AGMO: variants seen among roughly 807,000 people sequenced by gnomAD.
AGMO encodes the protein glyceryl-ether monooxygenase.
A neutral mutation model predicts 60.2 loss-of-function variants in AGMO; 75 were observed. That is an observed-to-expected ratio of 1.25 (90% confidence interval 1.03 to 1.51). The LOEUF (loss-of-function observed/expected upper bound fraction) is 1.51, where lower values mean the gene tolerates loss of function less well. Among genes scored for constraint, AGMO ranks in the 40% most tolerant of loss-of-function variants. The probability of loss-of-function intolerance (pLI) is 0.00; values close to 1 mark genes in which losing one functional copy is unlikely to be tolerated. For missense variants in AGMO, 763 were observed against 525.5 expected, an observed-to-expected ratio of 1.45 and a Z score of -4.42; for synonymous variants, 261 against 177.1, an observed-to-expected ratio of 1.47 and a Z score of -3.76.
chr7:15,251,618 T>C (rs1583329582), intron 12 of AGMO, among the ~76,000 whole-genome samples: 3 of 152,316 alleles, frequency 2.0e-5, no homozygotes, highest in East Asian at 1.9e-4. Context: ...TGGTCTCTAC[T>C]AAGCATTTAG....
intron 10 of AGMO, among the ~76,000 whole-genome samples, chr7:15,372,299 A>C (rs1296904806): frequency 6.6e-6 from 1 of 151,948 alleles, no homozygotes; most frequent in Non-Finnish European, 1.5e-5. Context: ...AAAAATACAA[A>C]AATTAGCCAG....
intron 12 of AGMO, among the ~76,000 whole-genome samples, chr7:15,323,089 G>T (rs978917998): frequency 1.3e-5 from 2 of 151,612 alleles, no homozygotes; most frequent in African/African-American, 4.8e-5. Flanking sequence ...ACTATCTAAT[G>T]TTTAAATAAG....
At chr7:15,369,889 G>C (rs146156552) in intron 10 of AGMO, among the ~76,000 whole-genome samples, 3 of 152,086 alleles carry the variant, frequency 2.0e-5, no homozygotes, top group Non-Finnish European at 2.9e-5. Context: ...TGGGAAAACT[G>C]AATCTATTTC....
intron 3 of AGMO, among the ~76,000 whole-genome samples, chr7:15,478,602 T>C (rs1400884918): frequency 6.6e-6 from 1 of 152,080 alleles, no homozygotes; most frequent in Non-Finnish European, 1.5e-5. Flanking sequence ...GTCAATGGGG[T>C]GCAAAATCCT....
intron 12 of AGMO, among the ~76,000 whole-genome samples, chr7:15,270,061 G>A (rs1000173874): frequency 2.0e-5 from 3 of 151,884 alleles, no homozygotes; most frequent in Admixed American, 6.6e-5. Context: ...AACTAATGCC[G>A]CAAAAAAGAT....
chr7:15,433,054 AACTTATG>A (rs1042390258), intron 3 of AGMO, among the ~76,000 whole-genome samples: 1 of 152,112 alleles, frequency 6.6e-6, no homozygotes, highest in Admixed American at 6.6e-5. Flanking sequence ...ATGATTTTAT[AACTTATG>A]ACTTATAAAC....
chr7:15,141,702 A>G, the AGMO span, among the ~76,000 whole-genome samples: 3 of 152,236 alleles, frequency 2.0e-5, no homozygotes, highest in African/African-American at 7.2e-5. Context: ...TGCAGATTTT[A>G]CCTTATAGAT....
chr7:15,301,870 G>A (rs1365625125), intron 12 of AGMO, among the ~76,000 whole-genome samples: 1 of 152,020 alleles, frequency 6.6e-6, no homozygotes, highest in Non-Finnish European at 1.5e-5. Context: ...CTCAAGAAGG[G>A]CTCAAGAAGG....
the AGMO span, among the ~76,000 whole-genome samples, chr7:15,120,049 T>C: frequency 2.0e-5 from 3 of 152,004 alleles, no homozygotes; most frequent in African/African-American, 7.2e-5. Context: ...TTTTGAGTGT[T>C]TACTCATTAC....
At chr7:15,488,761 G>A (rs969278620) in intron 3 of AGMO, among the ~76,000 whole-genome samples, 5 of 151,458 alleles carry the variant, frequency 3.3e-5, no homozygotes, top group Admixed American at 2.0e-4. Context: ...TTTTACATTT[G>A]CATATTTGTG....
At chr7:15,378,714 C>G (rs1283655780) in intron 10 of AGMO, among the ~76,000 whole-genome samples, 1 of 150,714 alleles carries the variant, frequency 6.6e-6, no homozygotes, top group Non-Finnish European at 1.5e-5. Context: ...AGTCAGAACT[C>G]TCCACCCAGA....
At chr7:15,337,608 C>A (rs1442409348) in intron 12 of AGMO, among the ~76,000 whole-genome samples, 1 of 152,150 alleles carries the variant, frequency 6.6e-6, no homozygotes, top group Non-Finnish European at 1.5e-5. Context: ...CATTACAATT[C>A]TGCCTGGGAA....
the AGMO span, among the ~76,000 whole-genome samples, chr7:15,159,815 T>A: frequency 6.6e-6 from 1 of 152,208 alleles, no homozygotes; most frequent in Non-Finnish European, 1.5e-5. Flanking sequence ...CAAGGTCCAA[T>A]CGGTCCATTC....
chr7:15,278,030 C>T (rs1344697949), intron 12 of AGMO, among the ~76,000 whole-genome samples: 1 of 152,134 alleles, frequency 6.6e-6, no homozygotes, highest in Non-Finnish European at 1.5e-5. Flanking sequence ...CCCTATCATA[C>T]CCCTGGTCCC....
At chr7:15,455,839 G>A (rs534367985) in intron 3 of AGMO, among the ~76,000 whole-genome samples, 35 of 152,060 alleles carry the variant, frequency 2.3e-4, no homozygotes, top group Non-Finnish European at 4.9e-4. Context: ...GCTAGTTTAC[G>A]TTTCTATTCC....
chr7:15,407,046 T>G (rs1409469323), intron 5 of AGMO, among the ~76,000 whole-genome samples: 2 of 145,062 alleles, frequency 1.4e-5, no homozygotes, highest in African/African-American at 5.0e-5. Flanking sequence ...CACACATATA[T>G]ATGAATATAC....
intron 4 of AGMO, among the ~76,000 whole-genome samples, chr7:15,423,189 G>A (rs1309688069): frequency 1.3e-5 from 2 of 151,878 alleles, no homozygotes; most frequent in Non-Finnish European, 1.5e-5. Context: ...TAGAGAAAAA[G>A]CAATTTAAAA....
intron 6 of AGMO, among the ~76,000 whole-genome samples, chr7:15,391,790 G>C (rs998626253): frequency 6.6e-6 from 1 of 152,078 alleles, no homozygotes; most frequent in Admixed American, 6.5e-5. Flanking sequence ...GCCCCTTAAG[G>C]AACATTTGGC....
At chr7:15,302,915 A>G (rs1345297200) in intron 12 of AGMO, among the ~76,000 whole-genome samples, 1 of 152,154 alleles carries the variant, frequency 6.6e-6, no homozygotes, top group Non-Finnish European at 1.5e-5. Context: ...GTTTGTAAAA[A>G]ATAAAGTCAG....
Sources: gnomAD v4.1 joint callset for allele counts (sites outside exome capture counted in the v4.1 genomes callset) on GRCh38, gnomAD v4.1.1 for gene constraint, MANE v1.5 for transcripts, NCBI Gene and HGNC (gene_info 2026-07-23, HGNC 2026-07-21) for gene names.